Variants in KCNQ1 observed in about 807,000 individuals in gnomAD.
KCNQ1 encodes potassium voltage-gated channel subfamily KQT member 1.
Under a neutral mutation model 72.4 loss-of-function variants are expected in KCNQ1, and 49 were observed. The observed-to-expected ratio is 0.68, with a 90% CI of 0.54 to 0.86. The LOEUF (loss-of-function observed/expected upper bound fraction) is 0.86. KCNQ1 is among the 40% of genes least tolerant of loss of function. The pLI is 0.00. For missense variants in KCNQ1, 790 were observed against 945.1 expected, an observed-to-expected ratio of 0.84 and a Z score of 2.15; for synonymous variants, 450 against 412.6, an observed-to-expected ratio of 1.09 and a Z score of -1.10.
rs1847589732 is a variant in KCNQ1 at position 2,815,179 on chromosome 11, T to C, written c.1795-32588T>C. Among the ~76,000 whole-genome samples, 1 of 152,156 alleles carries C rather than the reference T, an allele frequency of 6.6e-6. No homozygotes were observed. Among genetic ancestry groups the C allele is most frequent in the Admixed American group, 6.5e-5 (1 of 15,284 alleles). Reference sequence around the variant, plus strand: ...CCCATGCTCAGGGTGTCACTGAGGGTCCCAAGTCTGGGGTGGCCAGGTCAC... The same window carrying C: ...CCCATGCTCAGGGTGTCACTGAGGGCCCCAAGTCTGGGGTGGCCAGGTCAC... On this transcript the variant is annotated intron_variant, in intron 15 of 15. Transcript: ENST00000155840. The surrounding 1 kb of genome is among the most constrained non-coding windows in gnomAD (Gnocchi z 5.4).
intron 2 of KCNQ1, 126 bp downstream of exon 2, chr11:2,528,144 G>A (rs1847544442): frequency 1.2e-6 from 1 of 848,154 alleles, no homozygotes; most frequent in Non-Finnish European, 2.0e-6. Flanking sequence ...CATTGGTCCT[G>A]CCCTGATACA....
intron 10 of KCNQ1, chr11:2,614,460 T>C (rs1849028554): frequency 2.5e-6 from 1 of 398,524 alleles, no homozygotes; most frequent in Non-Finnish European, 4.4e-6. Flanking sequence ...TTATTTCCAA[T>C]CTCAAGTCAT....
chr11:2,683,619 C>T lies in KCNQ1; in HGVS notation c.1514+21538C>T, dbSNP rs1850435964. ...AACTCATTTCAAATACTGCTCTAGA[C>T]AACTGGGCCCTGCATCTGCTGCAAG... is the stretch of plus-strand genomic sequence containing the variant. On this transcript the variant is annotated intron_variant, in intron 11 of 15. Transcript: ENST00000155840. The surrounding 1 kb of genome is among the most constrained non-coding windows in gnomAD (Gnocchi z 4.7). 5.0e-6 allele frequency: 2 copies of T among 398,656 alleles called. No homozygotes were observed. The highest frequency in any genetic ancestry group is 8.8e-6 in the Non-Finnish European group (2 of 226,064). 24.7% of individuals were successfully genotyped at this position (398,656 alleles called of 1,614,324 possible).
chr11:2,514,116 C>G (rs1381481513), intron 1 of KCNQ1, among the ~76,000 whole-genome samples: 1 of 152,192 alleles, frequency 6.6e-6, no homozygotes, highest in African/African-American at 2.4e-5. Context: ...GCTTGGCCCT[C>G]CACGGAGTGG....
At chr11:2,584,649 TTG>T (rs1324975522) in intron 7 of KCNQ1, among the ~76,000 whole-genome samples, 1 of 149,332 alleles carries the variant, frequency 6.7e-6, no homozygotes, top group African/African-American at 2.5e-5. Flanking sequence ...TAGTGTGTTT[TTG>T]TGTGTGTTAG....
At position 2,608,859 on chromosome 11, in the gene KCNQ1, C is replaced by T. The variant is rs1218277309; in HGVS notation, c.1393+20005C>T. 2.3e-5 allele frequency: 9 copies of T among 398,204 alleles called. No homozygotes were observed. The South Asian group carries it at 1.1e-3, about 51-fold the overall frequency. The allele number at this position is 398,204 out of a possible 1,614,324, so 24.7% of individuals were successfully genotyped here. A position where few individuals can be genotyped will look rare whatever the true frequency, so the allele number is the denominator to read the frequency against. The stretch of plus-strand genomic sequence containing the variant: ...TTAGTAATTTGAGTTTTCTCTCTCC[C>T]CCTTTGCCTCATGCACTTCCCTCTC... On this transcript the variant is annotated intron_variant, in intron 10 of 15. Transcript: ENST00000155840. This position sits in a 1 kb window ranked among gnomAD's most constrained non-coding sequence, Gnocchi z 4.6.
In KCNQ1 at chr11:2,478,489, C is replaced by A. The variant is rs942888696; in HGVS notation, c.386+33005C>A. Among the ~76,000 whole-genome samples, 5 of 152,006 alleles carry A rather than the reference C, an allele frequency of 3.3e-5. No homozygotes were observed. The highest frequency in any genetic ancestry group is 1.2e-4 in the African/African-American group (5 of 41,356). ...AAGGAACATCTTACATGATGACAGG[C>A]AAAGAGATAATGAAAACTGAGCACA... On this transcript the variant is annotated intron_variant, in intron 1 of 15. Coordinates refer to ENST00000155840, the MANE Select transcript of KCNQ1 (RefSeq NM_000218.3). This position sits in a 1 kb window ranked among gnomAD's most constrained non-coding sequence, Gnocchi z 4.0.
rs1159151706 is a variant in KCNQ1, at chr11:2,447,315, G to T, written c.386+1831G>T. ...ACAGGGGCAGGATGGCTTCTGTGAA[G>T]GGGTGGCCAGGAAAGGGATGCTTCT... On this transcript the variant is annotated intron_variant, in intron 1 of 15. Transcript: ENST00000155840. This position sits in a 1 kb window ranked among gnomAD's most constrained non-coding sequence, Gnocchi z 7.6. 1.3e-5 allele frequency among the ~76,000 whole-genome samples: 2 copies of T among 152,192 alleles called. No individual in the cohort carries two copies. The highest frequency in any genetic ancestry group is 2.9e-5 in the Non-Finnish European group (2 of 68,032).
chr11:2,546,109 T>C (rs533157271), intron 2 of KCNQ1, among the ~76,000 whole-genome samples: 3 of 152,292 alleles, frequency 2.0e-5, no homozygotes, highest in African/African-American at 7.2e-5. Context: ...TTTTTTCCTT[T>C]CTAATACAGG....
chr11:2,620,922 T>G lies in KCNQ1; in HGVS notation c.1393+32068T>G. ...GATGGCATCCCATTATGGTTTGGTG[T>G]TTTTTTGTTGTTGTTGTTTTGTTTT... On this transcript the variant is annotated intron_variant, in intron 10 of 15. Coordinates refer to ENST00000155840, the MANE Select transcript of KCNQ1 (RefSeq NM_000218.3). This position sits in a 1 kb window ranked among gnomAD's most constrained non-coding sequence, Gnocchi z 4.5. 2.6e-6 allele frequency: 1 copy of G among 386,700 alleles called. No homozygotes were observed. The highest frequency in any genetic ancestry group is 3.7e-5 in the East Asian group (1 of 27,212). 24.0% of individuals were successfully genotyped at this position (386,700 alleles called of 1,614,324 possible).
intron 15 of KCNQ1, among the ~76,000 whole-genome samples, chr11:2,845,233 C>T (rs1470837144): frequency 6.8e-6 from 1 of 147,744 alleles, no homozygotes; most frequent in Non-Finnish European, 1.5e-5. Context: ...CCTCTGCTTT[C>T]GCCGGCTCCC....
At position 2,816,346 on chromosome 11, in the gene KCNQ1, G is replaced by A. The variant is rs576253188; in HGVS notation, c.1795-31421G>A. ...GTTGGGGAGAGGGGCCTCCAGCGCC[G>A]TGGGGGAGAATTTCAAGAGCCTTTT... On this transcript the variant is annotated intron_variant, in intron 15 of 15. Coordinates refer to ENST00000155840, the MANE Select transcript of KCNQ1 (RefSeq NM_000218.3). This position sits in a 1 kb window ranked among gnomAD's most constrained non-coding sequence, Gnocchi z 6.8. Among the ~76,000 whole-genome samples, 19 of 152,348 alleles carry A rather than the reference G, an allele frequency of 1.2e-4. No individual in the cohort carries two copies. Among genetic ancestry groups the A allele is most frequent in the South Asian group, 2.1e-4 (1 of 4,830 alleles).
In KCNQ1 at chr11:2,670,662, G is replaced by A. The variant is rs764708200; in HGVS notation, c.1514+8581G>A. On this transcript the variant is annotated intron_variant, in intron 11 of 15. Coordinates refer to ENST00000155840, the MANE Select transcript of KCNQ1 (RefSeq NM_000218.3). The surrounding 1 kb of genome is among the most constrained non-coding windows in gnomAD (Gnocchi z 4.9). ...AGGCCAGGATGAACCCTGAAGATTG[G>A]TAGGAAGGCAGTGTAGCAGTAACAA... 1.8e-5 allele frequency: 7 copies of A among 398,538 alleles called. No homozygotes were observed. The highest frequency in any genetic ancestry group is 4.1e-5 in the African/African-American group (2 of 48,622). 24.7% of individuals were successfully genotyped at this position (398,538 alleles called of 1,614,324 possible).
At position 2,477,161 on chromosome 11, in the gene KCNQ1, G is replaced by A. The variant is rs1315001745; in HGVS notation, c.386+31677G>A. Reference sequence around the variant, plus strand: ...CCTCATCAGAACGTCCACAGCTGACGGTGAACACATTGGCAGGTGAGATAT... The same window carrying A: ...CCTCATCAGAACGTCCACAGCTGACAGTGAACACATTGGCAGGTGAGATAT... On this transcript the variant is annotated intron_variant, in intron 1 of 15. Transcript: ENST00000155840. This position sits in a 1 kb window ranked among gnomAD's most constrained non-coding sequence, Gnocchi z 5.0. Among the ~76,000 whole-genome samples the A allele has an allele frequency of 2.6e-5, 4 of 152,204 alleles. No homozygotes were observed. The highest frequency in any genetic ancestry group is 1.9e-4 in the East Asian group (1 of 5,200).
In KCNQ1 at chr11:2,682,107, C is replaced by T. The variant is rs371542654; in HGVS notation, c.1514+20026C>T. ...GCCCAGGGTCACAAAGCTAGGGAGC[C>T]GTGGATCTGCAGGAGATGTCCCAGC... On this transcript the variant is annotated intron_variant, in intron 11 of 15. Coordinates refer to ENST00000155840, the MANE Select transcript of KCNQ1 (RefSeq NM_000218.3). The surrounding 1 kb of genome is among the most constrained non-coding windows in gnomAD (Gnocchi z 5.8). 3 of 398,522 alleles carry T rather than the reference C, an allele frequency of 7.5e-6. No individual in the cohort carries two copies. Among genetic ancestry groups the T allele is most frequent in the Non-Finnish European group, 1.3e-5 (3 of 226,060 alleles). 24.7% of individuals were successfully genotyped at this position (398,522 alleles called of 1,614,324 possible). A position where few individuals can be genotyped will look rare whatever the true frequency, so the allele number is the denominator to read the frequency against.
chr11:2,610,709 T>C, intron 10 of KCNQ1: 2 of 391,550 alleles, frequency 5.1e-6, no homozygotes, highest in South Asian at 1.3e-4. Context: ...ACAGTATTCT[T>C]GGTTGGCTTT....
At chr11:2,742,284 A>G (rs1169220935) in intron 11 of KCNQ1, among the ~76,000 whole-genome samples, 5 of 152,194 alleles carry the variant, frequency 3.3e-5, no homozygotes, top group Non-Finnish European at 7.4e-5. Context: ...AGGGCAGTCC[A>G]GGGCAGGGGA....
In KCNQ1 at chr11:2,652,173, G is replaced by A. The variant is rs1849767733; in HGVS notation, c.1394-9788G>A. On this transcript the variant is annotated intron_variant, in intron 10 of 15. Transcript: ENST00000155840. This position sits in a 1 kb window ranked among gnomAD's most constrained non-coding sequence, Gnocchi z 5.9. Reference sequence around the variant, plus strand: ...CGCGCCCTCGGGGCCTGGGGGTGGGGCCCCAGCAGATGTCTGGATTTGGTA... The same window carrying A: ...CGCGCCCTCGGGGCCTGGGGGTGGGACCCCAGCAGATGTCTGGATTTGGTA... The A allele has an allele frequency of 5.0e-6, 2 of 398,524 alleles. No homozygotes were observed. The highest frequency in any genetic ancestry group is 4.1e-5 in the African/African-American group (2 of 48,622). 24.7% of individuals were successfully genotyped at this position (398,524 alleles called of 1,614,324 possible).
At position 2,720,498 on chromosome 11, in the gene KCNQ1, C is replaced by G. The variant is rs540333530; in HGVS notation, c.1515-48346C>G. On this transcript the variant is annotated intron_variant, in intron 11 of 15. Transcript: ENST00000155840. This position sits in a 1 kb window ranked among gnomAD's most constrained non-coding sequence, Gnocchi z 5.1. The stretch of plus-strand genomic sequence containing the variant: ...CCCCCTCGAAGCTCACCTGGCCTCT[C>G]TCTGTAAGGGGAGAGGGACCCAGGG... Among the ~76,000 whole-genome samples the G allele has an allele frequency of 6.6e-6, 1 of 152,306 alleles. No individual in the cohort carries two copies. The highest frequency in any genetic ancestry group is 2.1e-4 in the South Asian group (1 of 4,826).
Sources: allele counts gnomAD v4.1 joint callset (sites outside exome capture counted in the v4.1 genomes callset), GRCh38; gene constraint gnomAD v4.1.1; non-coding constraint Gnocchi (gnomAD v3.1); transcripts MANE v1.5; gene names NCBI Gene and HGNC (gene_info 2026-07-23, HGNC 2026-07-21).